NLRP4: variants seen among roughly 807,000 people sequenced by gnomAD.
The protein encoded by NLRP4 is NLR family pyrin domain containing 4.
A neutral mutation model predicts 84.7 loss-of-function variants in NLRP4; 44 were observed. The ratio of observed to expected loss-of-function variants is 0.52; its 90% CI spans 0.41 to 0.67. NLRP4 has a LOEUF of 0.67. Among genes scored for constraint, NLRP4 ranks in the 30% least tolerant of loss-of-function variants. The pLI is 0.00. For missense variants in NLRP4, 1,260 were observed against 1,219.4 expected, an observed-to-expected ratio of 1.03 and a Z score of -0.50; for synonymous variants, 544 against 476.4, an observed-to-expected ratio of 1.14 and a Z score of -1.85.
At chr19:55,853,150 G>T (rs1346362104) in intron 2 of NLRP4, among the ~76,000 whole-genome samples, 2 of 152,146 alleles carry the variant, frequency 1.3e-5, no homozygotes, top group Non-Finnish European at 2.9e-5. Context: ...CTGTTACTTT[G>T]CACATTTGCG....
At chr19:55,850,108 A>T (rs76442916) in intron 1 of NLRP4, among the ~76,000 whole-genome samples, 4,322 of 19,306 alleles carry the variant, frequency 0.22, 128 homozygotes, top group African/African-American at 0.28. Context: ...CGGTGTAATT[A>T]CCGTAGCTGC....
chr19:55,839,320 T>TGTGTGTGTGTGTGTGTGTGTGC (rs1373920562), intron 1 of NLRP4, among the ~76,000 whole-genome samples: 8 of 152,050 alleles, frequency 5.3e-5, no homozygotes, highest in African/African-American at 1.9e-4. Flanking sequence ...TGTGTGTGTG[T>TGTGTGTGTGTGTGTGTGTGTGC]GCTCTTTCAC....
At chr19:55,867,960 A>C in intron 6 of NLRP4, 84 bp downstream of exon 6, 3 of 1,206,194 alleles carry the variant, frequency 2.5e-6, no homozygotes, top group Non-Finnish European at 3.6e-6. Flanking sequence ...CTGCTCATTG[A>C]TGGAGGCCAC....
At chr19:55,837,150 G>T (rs302469) in intron 1 of NLRP4, among the ~76,000 whole-genome samples, 28,346 of 152,040 alleles carry the variant, frequency 0.19, 3,003 homozygotes, top group Middle Eastern at 0.32. Context: ...TCAGGGTAAT[G>T]AGCATATCCA....
chr19:55,849,797 CGGTGTAATTTCCAAAGCT>C (rs1309947655), intron 1 of NLRP4, among the ~76,000 whole-genome samples: 2 of 149,500 alleles, frequency 1.3e-5, no homozygotes, highest in African/African-American at 2.6e-5. Flanking sequence ...TCCAAAGCTG[CGGTGTAATTTCCAAAGCT>C]GCGGTGTAAT....
At position 55,836,868 on chromosome 19, in the gene NLRP4, T is replaced by G. The variant is rs536569055; in HGVS notation, c.-132T>G. On this transcript the variant is annotated 5_prime_UTR_variant, in exon 1 of 10. An upstream open reading frame in the 5' UTR gains an earlier in-frame stop. Transcript: ENST00000301295. Reference sequence around the variant, plus strand: ...GGAGCTTCGAGGGTGGGAATGTTCTTATTAGATTCTTCATCTCTGTTGACA... The same window carrying G: ...GGAGCTTCGAGGGTGGGAATGTTCTGATTAGATTCTTCATCTCTGTTGACA... 6.6e-6 allele frequency: 1 copy of G among 151,956 alleles called. No individual in the cohort carries two copies. Among genetic ancestry groups the G allele is most frequent in the East Asian group, 1.9e-4 (1 of 5,150 alleles). The allele number at this position is 151,956 out of a possible 1,614,324, so 9.4% of individuals were successfully genotyped here. A position where few individuals can be genotyped will look rare whatever the true frequency, so the allele number is the denominator to read the frequency against.
At chr19:55,850,767 T>TCCGAGGCTGCGGTGTAATG (rs1568659302) in intron 1 of NLRP4, among the ~76,000 whole-genome samples, 23 of 75,956 alleles carry the variant, frequency 3.0e-4, no homozygotes, top group Admixed American at 4.5e-4. Context: ...GCGGTGTAAT[T>TCCGAGGCTGCGGTGTAATG]TCCGAGGCTG....
At chr19:55,877,347 G>A (rs980717557) in intron 8 of NLRP4, among the ~76,000 whole-genome samples, 181 bp downstream of exon 8, 2 of 152,182 alleles carry the variant, frequency 1.3e-5, no homozygotes, top group African/African-American at 4.8e-5. Context: ...TGCTGGCTCT[G>A]CTTGTCTGGG....
At chr19:55,860,693 T>C (rs778851789) in intron 3 of NLRP4, among the ~76,000 whole-genome samples, 15 of 152,240 alleles carry the variant, frequency 9.9e-5, no homozygotes, top group Non-Finnish European at 1.9e-4. Context: ...GATCCTGTAT[T>C]TAGGACATGG....
chr19:55,858,307 G>T lies in NLRP4; in HGVS notation c.914G>T (p.Ser305Ile). 1 of 1,614,202 alleles carries T rather than the reference G, an allele frequency of 6.2e-7. No individual in the cohort carries two copies. The highest frequency in any genetic ancestry group is 1.3e-5 in the African/African-American group (1 of 75,034). The stretch of plus-strand genomic sequence containing the variant: ...TACCAGCCCCGGGGATTCAACGAGA[G>T]TGATAGGTTAGTGTATTTCTGCTGT... ...EIYQPRGFNESDRLVYFCCFF... is the reference protein window; with the variant it reads ...EIYQPRGFNEIDRLVYFCCFF... The change falls in exon 3 of 10, where the codon AGT becomes ATT. Residue 305 changes from serine to isoleucine, a missense_variant. Transcript: ENST00000301295. The surrounding 1 kb of genome is among the most constrained non-coding windows in gnomAD (Gnocchi z 4.2).
At chr19:55,855,421 C>T (rs1471521301) in intron 2 of NLRP4, among the ~76,000 whole-genome samples, 1 of 152,104 alleles carries the variant, frequency 6.6e-6, no homozygotes, top group Non-Finnish European at 1.5e-5. Context: ...CTGAGAAGAC[C>T]AGGAAAGCAG....
chr19:55,878,473 G>GTTATA (rs773275696), intron 8 of NLRP4, among the ~76,000 whole-genome samples: 105,061 of 150,942 alleles, frequency 0.7, 36,711 homozygotes, highest in South Asian at 0.8. Context: ...TGCTTCCATT[G>GTTATA]TTATCTGAGA....
intron 1 of NLRP4, among the ~76,000 whole-genome samples, chr19:55,838,049 T>G (rs1255823846): frequency 7.8e-6 from 1 of 127,540 alleles, no homozygotes; most frequent in African/African-American, 3.2e-5. Flanking sequence ...CTGGATGCAG[T>G]GGCTCACACC....
chr19:55,881,653 T>A lies in NLRP4; in HGVS notation c.*66T>A. On this transcript the variant is annotated 3_prime_UTR_variant, in exon 10 of 10. Transcript: ENST00000301295. ...ACAGGGACTGGGACCGTTACTTACATGACACTGCACCCAGGAGATACAAAT... is the reference window on the plus strand; with the variant it reads ...ACAGGGACTGGGACCGTTACTTACAAGACACTGCACCCAGGAGATACAAAT... 2 of 760,416 alleles carry A rather than the reference T, an allele frequency of 2.6e-6. No individual in the cohort carries two copies. Among genetic ancestry groups the A allele is most frequent in the Non-Finnish European group, 4.6e-6 (2 of 430,978 alleles). 47.1% of individuals were successfully genotyped at this position (760,416 alleles called of 1,614,324 possible).
intron 1 of NLRP4, among the ~76,000 whole-genome samples, chr19:55,844,519 G>A (rs996965297): frequency 3.9e-5 from 6 of 152,020 alleles, no homozygotes; most frequent in South Asian, 2.1e-4. Flanking sequence ...CAGGTGATCC[G>A]CCCACCTTGG....
rs765262558 is a variant in NLRP4 at position 55,877,004 on chromosome 19, A to C, written c.2534A>C (p.Lys845Thr). The C allele has an allele frequency of 2.0e-5, 32 of 1,613,240 alleles. 1 individual carries two copies. Among genetic ancestry groups the C allele is most frequent in the Non-Finnish European group, 8.5e-7 (1 of 1,179,428 alleles). ...DCCLDSLCLVKCFITAAGCED... is the reference protein window; with the variant it reads ...DCCLDSLCLVTCFITAAGCED... ...CCCTTACTCCTTTGCAGTTTGGTAA[A>C]ATGTTTTATCACTGCTGCTGGCTGT... is the stretch of plus-strand genomic sequence containing the variant. The change falls in exon 8 of 10, where the codon AAA (lysine) becomes ACA (threonine). Residue 845 changes from lysine to threonine, a missense_variant. This residue lies in a region of NLRP4 where 544 missense variants were observed against 531.7 expected (regional missense o/e 1.02). Coordinates refer to ENST00000301295, the MANE Select transcript of NLRP4 (RefSeq NM_134444.5).
rs775627474 is a variant in NLRP4 at position 55,857,724 on chromosome 19, T to C, written c.331T>C (p.Trp111Arg). ...CGCAAAGCAGAAATTCAGCCGCTTATGGTCCAGCAAGTCTGTCACTGAGAT... is the reference window on the plus strand; with the variant it reads ...CGCAAAGCAGAAATTCAGCCGCTTACGGTCCAGCAAGTCTGTCACTGAGAT... ...AHAKQKFSRL[W>R]SSKSVTEIHL... is the part of the protein sequence containing the mutation. The change falls in exon 3 of 10, where the codon TGG (tryptophan) becomes CGG (arginine). Residue 111 changes from tryptophan (W) to arginine (R), a missense_variant. Physicochemically the swap from Trp to Arg is moderately radical, Grantham distance 101. Around this residue, in one of 3 missense-constraint regions of NLRP4, gnomAD observed 712 missense variants for 669.2 expected, o/e 1.06. Transcript: ENST00000301295. The C allele has an allele frequency of 1.9e-6, 3 of 1,613,892 alleles. No individual in the cohort carries two copies. The highest frequency in any genetic ancestry group is 2.5e-6 in the Non-Finnish European group (3 of 1,179,790).
chr19:55,868,558 A>G (rs977717225), intron 6 of NLRP4, among the ~76,000 whole-genome samples: 3 of 147,150 alleles, frequency 2.0e-5, no homozygotes, highest in African/African-American at 5.1e-5. Context: ...GCTAGAGTGC[A>G]GTGGCATGAT....
At position 55,871,525 on chromosome 19, in the gene NLRP4, C is replaced by A. The variant is rs1985183368; in HGVS notation, c.2525+528C>A. On this transcript the variant is annotated intron_variant, in intron 7 of 9. Transcript: ENST00000301295. ...ATCAAATAGAGAAATATCTGGGTAA[C>A]CCCTGTAGCGGCGGTGGCAGTGTTT... Among the ~76,000 whole-genome samples the A allele has an allele frequency of 2.0e-5, 3 of 152,262 alleles. No individual in the cohort carries two copies. The South Asian group carries it at 6.2e-4, about 32-fold the overall frequency.
Sources: allele counts gnomAD v4.1 joint callset (sites outside exome capture counted in the v4.1 genomes callset), GRCh38; gene constraint gnomAD v4.1.1; regional missense constraint gnomAD v4.1.1; non-coding constraint Gnocchi (gnomAD v3.1); transcripts MANE v1.5; gene names NCBI Gene and HGNC (gene_info 2026-07-23, HGNC 2026-07-21).